The following ATF7IP variants were observed in gnomAD, a reference collection of about 807,000 sequenced individuals.
The protein encoded by ATF7IP is activating transcription factor 7-interacting protein 1.
In ATF7IP, 23 loss-of-function variants were observed where a neutral mutation model predicts 106.4. That is an observed-to-expected ratio of 0.22 (90% CI 0.16 to 0.31). The LOEUF is 0.31. ATF7IP is among the 10% of genes least tolerant of loss of function. The probability of loss-of-function intolerance (pLI) is 1.00; values close to 1 mark genes in which losing one functional copy is unlikely to be tolerated. For synonymous variants in ATF7IP, 542 were observed against 539.0 expected (o/e 1.01, Z -0.08); for missense variants, 1,334 against 1,524.3 (o/e 0.88, Z 2.08).
Position 14,424,453 on chromosome 12 carries a change from C to G in ATF7IP, c.538C>G (p.Pro180Ala). 1 of 1,611,054 alleles carries G rather than the reference C, an allele frequency of 6.2e-7. No individual in the cohort carries two copies. Among genetic ancestry groups the G allele is most frequent in the South Asian group, 1.1e-5 (1 of 90,576 alleles). Residue 180 changes from proline (P) to alanine (A), a missense_variant, in exon 2 of 15, where the codon CCT becomes GCT. Pro to Ala is a conservative substitution (Grantham distance 27). Around this residue, in one of 10 missense-constraint regions of ATF7IP, gnomAD observed 438 missense variants for 405.3 expected, o/e 1.08. Transcript: ENST00000261168. ...ASGDATSGDAPSGDVSPGDAT... is the reference protein window; with the variant it reads ...ASGDATSGDAASGDVSPGDAT... The stretch of plus-strand genomic sequence containing the variant: ...TGGTGATGCAACCTCTGGTGATGCC[C>G]CTTCTGGTGATGTGTCCCCTGGTGA...
intron 8 of ATF7IP, among the ~76,000 whole-genome samples, chr12:14,458,265 T>G (rs945116507): frequency 6.6e-6 from 1 of 152,212 alleles, no homozygotes; most frequent in Admixed American, 6.5e-5. Context: ...TTTAATACTT[T>G]GAGACATTAA....
chr12:14,427,189 C>T (rs967244009), intron 2 of ATF7IP, among the ~76,000 whole-genome samples: 2 of 152,010 alleles, frequency 1.3e-5, no homozygotes, highest in African/African-American at 4.8e-5. Context: ...GTGGCACAAT[C>T]ATAGCTCACT....
At chr12:14,385,875 A>C (rs1384046938) in intron 1 of ATF7IP, among the ~76,000 whole-genome samples, 1 of 152,102 alleles carries the variant, frequency 6.6e-6, no homozygotes, top group Non-Finnish European at 1.5e-5. Flanking sequence ...TCATGAAAAA[A>C]AATTTTTAAT....
chr12:14,471,797 C>A (rs1300479584), intron 10 of ATF7IP, among the ~76,000 whole-genome samples: 4 of 152,026 alleles, frequency 2.6e-5, no homozygotes, highest in Non-Finnish European at 5.9e-5. Context: ...GTCCCTCCCA[C>A]CACACATGGA....
chr12:14,485,863 A>G (rs1459669772), intron 13 of ATF7IP, among the ~76,000 whole-genome samples: 1 of 152,198 alleles, frequency 6.6e-6, no homozygotes, highest in African/African-American at 2.4e-5. Flanking sequence ...TCCATGATCC[A>G]TCTGTCTTCT....
chr12:14,401,832 G>A (rs942794924), intron 1 of ATF7IP, among the ~76,000 whole-genome samples: 3 of 148,292 alleles, frequency 2.0e-5, no homozygotes, highest in Admixed American at 6.9e-5. Context: ...TCCTGCCTCA[G>A]CCTCCCGAGT....
At chr12:14,370,172 G>T (rs2136391565) in intron 1 of ATF7IP, among the ~76,000 whole-genome samples, 1 of 152,216 alleles carries the variant, frequency 6.6e-6, no homozygotes, top group Non-Finnish European at 1.5e-5. Flanking sequence ...CCTACCTCAG[G>T]TGATCCGTCT....
intron 1 of ATF7IP, among the ~76,000 whole-genome samples, chr12:14,368,032 A>G (rs960052781): frequency 5.9e-5 from 9 of 152,124 alleles, no homozygotes; most frequent in African/African-American, 2.2e-4. Context: ...TGTAGTTTAG[A>G]AAAGACAGGT....
Position 14,375,587 on chromosome 12 carries a change from A to T in ATF7IP, c.-8+9760A>T, listed in dbSNP as rs535325595. ...AGAAGAACAAAAGAAAAAACAAAAA[A>T]TTTTCCTAAAATCAGTTAGTTATAC... On this transcript the variant is annotated intron_variant, in intron 1 of 14. Transcript: ENST00000261168. 4.1e-4 allele frequency among the ~76,000 whole-genome samples: 63 copies of T among 152,346 alleles called. 1 individual carries two copies. The South Asian group carries it at 9.9e-3, about 24-fold the overall frequency.
intron 4 of ATF7IP, among the ~76,000 whole-genome samples, chr12:14,437,045 G>C (rs1272263423): frequency 6.6e-6 from 1 of 152,136 alleles, no homozygotes; most frequent in East Asian, 1.9e-4. Flanking sequence ...AAAAGTGGTA[G>C]AGACAGGGTG....
intron 1 of ATF7IP, among the ~76,000 whole-genome samples, chr12:14,379,765 A>G (rs1183192625): frequency 6.6e-6 from 1 of 152,118 alleles, no homozygotes; most frequent in East Asian, 1.9e-4. Context: ...TCCTACTATT[A>G]TCACCACTGA....
In ATF7IP at chr12:14,460,549, T is replaced by C; in HGVS notation, c.2213T>C (p.Leu738Ser). The C allele has an allele frequency of 6.2e-7, 1 of 1,614,180 alleles. No homozygotes were observed. The change falls in exon 9 of 15, where the codon TTG becomes TCG. Residue 738 changes from leucine (L) to serine (S), a missense_variant. Around this residue, in one of 10 missense-constraint regions of ATF7IP, gnomAD observed 171 missense variants for 172.6 expected, o/e 0.99. Coordinates refer to ENST00000261168, the MANE Select transcript of ATF7IP (RefSeq NM_018179.5). The stretch of plus-strand genomic sequence containing the variant: ...GCAGTTGTCAGTAGTCAACCTAAAT[T>C]GCAGACTCCAGTGACTTCGGGTTCC... ...PPAVVSSQPKLQTPVTSGSLT... is the reference protein window; with the variant it reads ...PPAVVSSQPKSQTPVTSGSLT...
intron 1 of ATF7IP, chr12:14,420,305 G>C (rs1471849990): frequency 6.6e-6 from 1 of 152,066 alleles, no homozygotes; most frequent in Admixed American, 6.6e-5. Flanking sequence ...TATATAGGGA[G>C]GACAGACTAT....
intron 14 of ATF7IP, among the ~76,000 whole-genome samples, chr12:14,497,025 A>G (rs1345902274): frequency 2.0e-5 from 3 of 152,192 alleles, no homozygotes; most frequent in Non-Finnish European, 4.4e-5. Context: ...GTTCTTGTCC[A>G]TACGTCCCCT....
chr12:14,408,682 CTT>C lies in ATF7IP; in HGVS notation c.-7-15226_-7-15225del, dbSNP rs576258726. On this transcript the variant is annotated intron_variant, in intron 1 of 14. Transcript: ENST00000261168. Reference sequence around the variant, plus strand: ...TTATAAAAGGCTGAAAAATGACTCTCTTGTGTATTTGATTAATTTTAATGCTG... The same window carrying C: ...TTATAAAAGGCTGAAAAATGACTCTCGTGTATTTGATTAATTTTAATGCTG... 203 of 152,186 alleles carry C rather than the reference CTT, an allele frequency of 1.3e-3. 2 individuals are homozygous for C. The highest frequency in any genetic ancestry group is 4.5e-3 in the African/African-American group (185 of 41,550). The allele number at this position is 152,186 out of a possible 1,614,324, so 9.4% of individuals were successfully genotyped here. A position where few individuals can be genotyped will look rare whatever the true frequency, so the allele number is the denominator to read the frequency against.
chr12:14,386,271 T>G (rs989340745), intron 1 of ATF7IP, among the ~76,000 whole-genome samples: 3 of 152,128 alleles, frequency 2.0e-5, no homozygotes, highest in Non-Finnish European at 4.4e-5. Context: ...TAGAAATGTT[T>G]ATTGAGATAC....
At chr12:14,483,555 G>A (rs548421637) in intron 13 of ATF7IP, among the ~76,000 whole-genome samples, 1 of 152,274 alleles carries the variant, frequency 6.6e-6, no homozygotes, top group Admixed American at 6.5e-5. Context: ...CCAGCAGAAA[G>A]TAATGTCGCA....
At chr12:14,439,774 A>G (rs1166393287) in intron 5 of ATF7IP, among the ~76,000 whole-genome samples, 1 of 152,102 alleles carries the variant, frequency 6.6e-6, no homozygotes, top group Non-Finnish European at 1.5e-5. Flanking sequence ...TGGAGGTTGC[A>G]GTGAGCTGAG....
rs1945060825 is a variant in ATF7IP at position 14,497,945 on chromosome 12, A to T, written c.3685A>T (p.Thr1229Ser). ...GGCACTTCCCTTGCCCATGGCATGTACTCTCACCCAGTTTGTATCTGGTAG... is the reference window on the plus strand; with the variant it reads ...GGCACTTCCCTTGCCCATGGCATGTTCTCTCACCCAGTTTGTATCTGGTAG... Reference protein sequence around the residue: ...VKALPLPMACTLTQFVSGSKY... With the variant: ...VKALPLPMACSLTQFVSGSKY... Residue 1229 changes from threonine (T) to serine (S), a missense_variant, in exon 15 of 15, where the codon ACT becomes TCT. Transcript: ENST00000261168. 1 of 1,613,922 alleles carries T rather than the reference A, an allele frequency of 6.2e-7. No individual in the cohort carries two copies. The highest frequency in any genetic ancestry group is 8.5e-7 in the Non-Finnish European group (1 of 1,180,010).
Sources: gnomAD v4.1 joint callset for allele counts (sites outside exome capture counted in the v4.1 genomes callset) on GRCh38, gnomAD v4.1.1 for gene constraint, gnomAD v4.1.1 regional missense constraint, MANE v1.5 for transcripts, NCBI Gene and HGNC (gene_info 2026-07-23, HGNC 2026-07-21) for gene names.